OIT3: variants seen among roughly 807,000 people sequenced by gnomAD.
OIT3 encodes oncoprotein induced transcript 3.
In OIT3, 41 loss-of-function variants were observed where a neutral mutation model predicts 52.2. That is an observed-to-expected ratio of 0.79 (90% CI 0.61 to 1.02). The LOEUF (loss-of-function observed/expected upper bound fraction) is 1.02, where lower values mean the gene tolerates loss of function less well. OIT3 is among the 50% of genes least tolerant of loss of function. The pLI is 0.00. For missense variants in OIT3, 634 were observed against 715.5 expected (o/e 0.89, Z 1.30); for synonymous variants, 244 against 276.9 (o/e 0.88, Z 1.18).
intron 7 of OIT3, among the ~76,000 whole-genome samples, chr10:72,924,881 C>T (rs1448786900): frequency 5.9e-5 from 9 of 152,022 alleles, no homozygotes; most frequent in African/African-American, 9.7e-5. Flanking sequence ...GGAGCCAAGG[C>T]GGGTGGATCA....
At chr10:72,900,284 A>ACCCCCCCCC in intron 2 of OIT3, 93 bp from the exon 3 acceptor site, 4 of 642,536 alleles carry the variant, frequency 6.2e-6, no homozygotes, top group South Asian at 1.9e-5. Flanking sequence ...TAGGGATACC[A>ACCCCCCCCC]CCCCCCCCGA....
intron 7 of OIT3, among the ~76,000 whole-genome samples, chr10:72,926,246 CTT>C (rs1024982884): frequency 1.2e-4 from 19 of 152,224 alleles, no homozygotes; most frequent in African/African-American, 4.6e-4. Flanking sequence ...TTTTACTCCT[CTT>C]GTTTTTCACT....
chr10:72,931,471 A>G (rs1161773701), intron 8 of OIT3, among the ~76,000 whole-genome samples: 1 of 152,178 alleles, frequency 6.6e-6, no homozygotes. Context: ...TGGGTGAGAG[A>G]GTGAGACCCT....
At chr10:72,895,402 C>CT (rs1319327684) in intron 1 of OIT3, among the ~76,000 whole-genome samples, 1 of 152,128 alleles carries the variant, frequency 6.6e-6, no homozygotes, top group African/African-American at 2.4e-5. Flanking sequence ...CAACCCCCAG[C>CT]TCCTCAAGGA....
rs1001665849 is a variant in OIT3, at chr10:72,932,444, G to A, written c.1558G>A (p.Gly520Arg). Residue 520 changes from glycine to arginine, a missense_variant, in exon 9 of 9, where the codon GGG becomes AGG. Physicochemically the swap from Gly to Arg is moderately radical, Grantham distance 125. Transcript: ENST00000334011. ...AQGCHRRMRR[G>R]AGGEDSAGLQ... ...GGGTTGCCACCGGCGAATGCGTCGT[G>A]GGGCAGGAGGAGAGGACTCAGCCGG... 6 of 1,614,024 alleles carry A rather than the reference G, an allele frequency of 3.7e-6. No homozygotes were observed. Among genetic ancestry groups the A allele is most frequent in the Admixed American group, 1.7e-5 (1 of 60,006 alleles).
At chr10:72,922,905 C>T (rs185056240) in intron 6 of OIT3, among the ~76,000 whole-genome samples, 7 of 152,016 alleles carry the variant, frequency 4.6e-5, no homozygotes, top group Admixed American at 2.6e-4. Context: ...GATGGAGTCT[C>T]GCTCTTGTCA....
intron 3 of OIT3, among the ~76,000 whole-genome samples, chr10:72,904,161 C>T (rs976197017): frequency 5.9e-5 from 9 of 152,132 alleles, no homozygotes; most frequent in Admixed American, 1.3e-4. Context: ...CCCCCAGTCA[C>T]GTACGCCCCT....
At chr10:72,899,174 C>T (rs1845904592) in intron 2 of OIT3, 136 bp downstream of exon 2, 1 of 718,266 alleles carries the variant, frequency 1.4e-6, no homozygotes, top group Non-Finnish European at 2.2e-6. Flanking sequence ...GCTAAAGATA[C>T]CTCTGATTTC....
At position 72,900,429 on chromosome 10, in the gene OIT3, C is replaced by T. The variant is rs146090082; in HGVS notation, c.489C>T (p.Ser163=). ...EDCHGSCSDT[S]ECTCAPGTVL... is the part of the protein sequence containing the mutation. Reference sequence around the variant, plus strand: ...GCCATGGCAGCTGCTCAGATACCAGCGAGTGCACATGCGCTCCAGGAACTG... The same window carrying T: ...GCCATGGCAGCTGCTCAGATACCAGTGAGTGCACATGCGCTCCAGGAACTG... Residue 163 remains serine (S), a synonymous_variant, in exon 3 of 9, where the codon AGC becomes AGT. Transcript: ENST00000334011. 4 of 1,612,732 alleles carry T rather than the reference C, an allele frequency of 2.5e-6. No individual in the cohort carries two copies. The highest frequency in any genetic ancestry group is 2.2e-5 in the East Asian group (1 of 44,876).
chr10:72,931,595 C>G (rs1190446269), intron 8 of OIT3, among the ~76,000 whole-genome samples: 1 of 152,046 alleles, frequency 6.6e-6, no homozygotes, highest in African/African-American at 2.4e-5. Context: ...ACAAGCAGGG[C>G]TAAGGGCCAC....
At chr10:72,928,025 A>G (rs1472969707) in intron 7 of OIT3, among the ~76,000 whole-genome samples, 3 of 152,174 alleles carry the variant, frequency 2.0e-5, no homozygotes, top group Middle Eastern at 3.2e-3. Context: ...GGGCTAGTCC[A>G]CAAACCTAAA....
chr10:72,918,162 G>C (rs1846090108), intron 6 of OIT3: 1 of 1,278,418 alleles, frequency 7.8e-7, no homozygotes, highest in Admixed American at 1.7e-5. Context: ...TTCACCTTCT[G>C]ACTCTGCATC....
At chr10:72,917,927 A>G in intron 6 of OIT3, 3 of 1,063,114 alleles carry the variant, frequency 2.8e-6, no homozygotes, top group South Asian at 1.3e-5. Context: ...TGGCTGGAGT[A>G]TCTTGTATAG....
chr10:72,917,737 GA>G lies in OIT3; in HGVS notation c.951+4271del. 6.9e-6 allele frequency: 8 copies of G among 1,162,400 alleles called. No individual in the cohort carries two copies. In the Admixed American group the frequency reaches 1.3e-4, roughly 20 times the overall value. The allele number at this position is 1,162,400 out of a possible 1,614,324, so 72.0% of individuals were successfully genotyped here. A position where few individuals can be genotyped will look rare whatever the true frequency, so the allele number is the denominator to read the frequency against. On this transcript the variant is annotated intron_variant, in intron 6 of 8. Coordinates refer to ENST00000334011, the MANE Select transcript of OIT3 (RefSeq NM_152635.3). Reference sequence around the variant, plus strand: ...CTGATGAACTTGGCTGCCACTTTGGGAAGAGAATCACCTTTTTCTGTACTTG... The same window carrying G: ...CTGATGAACTTGGCTGCCACTTTGGGAGAGAATCACCTTTTTCTGTACTTG...
chr10:72,924,727 A>T, intron 7 of OIT3, 83 bp downstream of exon 7: 1 of 1,115,528 alleles, frequency 9.0e-7, no homozygotes, highest in Non-Finnish European at 1.3e-6. Flanking sequence ...CATTTACTAA[A>T]ACTGCATGGT....
At chr10:72,913,248 T>C (rs1846045182) in intron 5 of OIT3, 60 bp from the exon 6 acceptor site, 3 of 1,404,218 alleles carry the variant, frequency 2.1e-6, no homozygotes, top group African/African-American at 1.4e-5. Context: ...TTATTTCTCC[T>C]AAAAGCCTTC....
rs1160718835 is a variant in OIT3, at chr10:72,918,569, C to T, written c.951+5101C>T. 7.3e-6 allele frequency: 7 copies of T among 954,388 alleles called. 1 individual carries two copies. Among genetic ancestry groups the T allele is most frequent in the South Asian group, 5.2e-5 (4 of 76,948 alleles). 59.1% of individuals were successfully genotyped at this position (954,388 alleles called of 1,614,324 possible). ...GCACACACTTAGGTGGGAGAGAAGG[C>T]GGATGGAGATAAACCACCACTGCTC... is the stretch of plus-strand genomic sequence containing the variant. On this transcript the variant is annotated intron_variant, in intron 6 of 8. Coordinates refer to ENST00000334011, the MANE Select transcript of OIT3 (RefSeq NM_152635.3).
chr10:72,925,142 A>G (rs1459399792), intron 7 of OIT3, among the ~76,000 whole-genome samples: 1 of 151,392 alleles, frequency 6.6e-6, no homozygotes, highest in Non-Finnish European at 1.5e-5. Flanking sequence ...AAAAGGCTCC[A>G]AGTGGTCTAA....
intron 2 of OIT3, among the ~76,000 whole-genome samples, chr10:72,899,595 CAAAAAAAA>C (rs57434990): frequency 2.2e-5 from 2 of 88,978 alleles, no homozygotes; most frequent in South Asian, 3.7e-4. Context: ...GACTCTGATT[CAAAAAAAA>C]AAAAAAAAGA....
Sources: allele counts gnomAD v4.1 joint callset (sites outside exome capture counted in the v4.1 genomes callset), GRCh38; gene constraint gnomAD v4.1.1; transcripts MANE v1.5; gene names NCBI Gene and HGNC (gene_info 2026-07-23, HGNC 2026-07-21).